INPP4B: variants seen among roughly 807,000 people sequenced by gnomAD.
INPP4B encodes the protein inositol polyphosphate-4-phosphatase type II B, also known as inositol polyphosphate 4-phosphatase type II.
A neutral mutation model predicts 122.5 loss-of-function variants in INPP4B; 55 were observed. The ratio of observed to expected loss-of-function variants is 0.45; its 90% CI spans 0.36 to 0.56. The LOEUF (loss-of-function observed/expected upper bound fraction) is 0.56. INPP4B is among the 20% of genes least tolerant of loss of function. The pLI is 0.00. For missense variants in INPP4B, 1,000 were observed against 1,097.7 expected (o/e 0.91, Z 1.26); for synonymous variants, 403 against 388.7 (o/e 1.04, Z -0.43).
intron 11 of INPP4B, among the ~76,000 whole-genome samples, chr4:142,254,978 G>A (rs984097750): frequency 2.4e-4 from 37 of 152,096 alleles, no homozygotes; most frequent in Non-Finnish European, 4.6e-4. Context: ...CCCTCAAAGG[G>A]AAGCCCATCA....
intron 2 of INPP4B, among the ~76,000 whole-genome samples, chr4:142,674,004 C>A (rs918772161): frequency 1.3e-5 from 2 of 152,012 alleles, no homozygotes; most frequent in Non-Finnish European, 2.9e-5. Flanking sequence ...ACCTAGATGG[C>A]AGATGGGAGC....
chr4:142,378,406 G>A (rs1792809198), intron 7 of INPP4B, among the ~76,000 whole-genome samples: 2 of 152,226 alleles, frequency 1.3e-5, no homozygotes, highest in South Asian at 2.1e-4. Flanking sequence ...GTTTTCAAGT[G>A]CCTCTTACAG....
chr4:142,473,046 ACT>A (rs1330464920), intron 2 of INPP4B, among the ~76,000 whole-genome samples: 1 of 152,174 alleles, frequency 6.6e-6, no homozygotes, highest in African/African-American at 2.4e-5. Flanking sequence ...GACAATTTAG[ACT>A]CTCAACATTT....
intron 2 of INPP4B, among the ~76,000 whole-genome samples, chr4:142,680,786 G>C (rs933767170): frequency 6.6e-6 from 1 of 151,716 alleles, no homozygotes; most frequent in Admixed American, 6.6e-5. Flanking sequence ...ATCTCATTTT[G>C]GCTTTGGGCT....
At chr4:142,303,639 A>C (rs3775691) in intron 9 of INPP4B, among the ~76,000 whole-genome samples, 13,904 of 152,080 alleles carry the variant, frequency 0.091, 688 homozygotes, top group South Asian at 0.17. Flanking sequence ...AGAGAAAACC[A>C]CAAATTTGGC....
At chr4:142,378,451 T>C (rs932375891) in intron 7 of INPP4B, among the ~76,000 whole-genome samples, 8 of 152,176 alleles carry the variant, frequency 5.3e-5, no homozygotes, top group African/African-American at 1.7e-4. Context: ...TTTGGTATTA[T>C]CTTTTCTCAG....
chr4:142,724,647 T>C (rs1325513732), intron 2 of INPP4B, among the ~76,000 whole-genome samples: 1 of 152,186 alleles, frequency 6.6e-6, no homozygotes, highest in African/African-American at 2.4e-5. Context: ...CATTTCAGTA[T>C]AGATAAAACT....
intron 9 of INPP4B, among the ~76,000 whole-genome samples, chr4:142,300,654 T>C (rs1761014587): frequency 6.6e-6 from 1 of 152,132 alleles, no homozygotes; most frequent in South Asian, 2.1e-4. Context: ...TATGCATGCA[T>C]AGGTATACAT....
intron 1 of INPP4B, chr4:142,766,134 T>A (rs1239856821): frequency 6.6e-6 from 1 of 152,120 alleles, no homozygotes; most frequent in Non-Finnish European, 1.5e-5. Context: ...ACCCATCATG[T>A]TCTCATTATG....
intron 12 of INPP4B, among the ~76,000 whole-genome samples, chr4:142,237,444 T>A (rs1004441006): frequency 2.0e-5 from 3 of 152,162 alleles, no homozygotes; most frequent in African/African-American, 7.2e-5. Context: ...TTAACTTTAA[T>A]AATATATTTT....
intron 5 of INPP4B, among the ~76,000 whole-genome samples, chr4:142,412,097 T>G (rs1251501715): frequency 6.6e-6 from 1 of 152,166 alleles, no homozygotes; most frequent in Non-Finnish European, 1.5e-5. Flanking sequence ...CTCTTTGTAC[T>G]TCAGAAAATT....
chr4:142,045,014 C>T (rs982702256), intron 25 of INPP4B, among the ~76,000 whole-genome samples: 1 of 152,096 alleles, frequency 6.6e-6, no homozygotes, highest in African/African-American at 2.4e-5. Context: ...ATTCTCAGCC[C>T]TTTAGTAAGA....
chr4:142,550,591 C>T (rs958354635), intron 2 of INPP4B, among the ~76,000 whole-genome samples: 3 of 14,978 alleles, frequency 2.0e-4, no homozygotes, highest in East Asian at 3.5e-3. Context: ...GTAATATATA[C>T]ACACACACAC....
intron 1 of INPP4B, among the ~76,000 whole-genome samples, chr4:142,728,069 A>C (rs1765563203): frequency 6.6e-6 from 1 of 152,200 alleles, no homozygotes; most frequent in African/African-American, 2.4e-5. Context: ...AAGGAAGTCC[A>C]CATTAACGTA....
At chr4:142,546,337 T>C (rs1410253497) in intron 2 of INPP4B, among the ~76,000 whole-genome samples, 1 of 152,220 alleles carries the variant, frequency 6.6e-6, no homozygotes, top group Non-Finnish European at 1.5e-5. Context: ...CAGTCTATCA[T>C]TGATGGGCAT....
At chr4:142,442,964 T>A (rs1041972045) in intron 3 of INPP4B, among the ~76,000 whole-genome samples, 1 of 152,122 alleles carries the variant, frequency 6.6e-6, no homozygotes, top group African/African-American at 2.4e-5. Flanking sequence ...CTCCCATTTA[T>A]AAAACCATCA....
At chr4:142,405,374 A>C in intron 5 of INPP4B, 50 bp from the exon 6 acceptor site, 245 of 1,107,914 alleles carry the variant, frequency 2.2e-4, no homozygotes, top group Non-Finnish European at 3.2e-4. Context: ...ACCATATCTC[A>C]GGGAAAACTT....
In INPP4B at chr4:142,505,240, T is replaced by TA. The variant is rs61333660; in HGVS notation, c.-190-42515dup. Among the ~76,000 whole-genome samples the TA allele has an allele frequency of 1.7e-3, 227 of 134,398 alleles. 1 individual carries two copies. Among genetic ancestry groups the TA allele is most frequent in the East Asian group, 4.4e-3 (21 of 4,750 alleles). 88.2% of individuals were successfully genotyped at this position (134,398 alleles called of 152,430 possible). A position where few individuals can be genotyped will look rare whatever the true frequency, so the allele number is the denominator to read the frequency against. On this transcript the variant is annotated intron_variant, in intron 2 of 25. Coordinates refer to ENST00000262992, the MANE Select transcript of INPP4B (RefSeq NM_001101669.3). The stretch of plus-strand genomic sequence containing the variant: ...GGTGACAGAGAGAGACTCTGTCTAT[T>TA]AAAAAAAAAAAAAAAGAAAACTGTG...
rs536384426 is a variant in INPP4B, at chr4:142,220,877, C to A, written c.837-11851G>T. On this transcript the variant is annotated intron_variant, in intron 12 of 25. Transcript: ENST00000262992. Reference sequence around the variant, plus strand: ...ATACTCCCTGGTGTTTCCCTGTGTACCCTCATTTCCTCCTATATGAACATC... The same window carrying A: ...ATACTCCCTGGTGTTTCCCTGTGTAACCTCATTTCCTCCTATATGAACATC... Among the ~76,000 whole-genome samples, 15 of 152,176 alleles carry A rather than the reference C, an allele frequency of 9.9e-5. No homozygotes were observed. In the South Asian group the frequency reaches 2.3e-3, roughly 23 times the overall value.
Sources: gnomAD v4.1 joint callset for allele counts (sites outside exome capture counted in the v4.1 genomes callset) on GRCh38, gnomAD v4.1.1 for gene constraint, MANE v1.5 for transcripts, NCBI Gene and HGNC (gene_info 2026-07-23, HGNC 2026-07-21) for gene names.